Variants in TTLL4 observed in about 807,000 individuals in gnomAD.
TTLL4 encodes tubulin tyrosine ligase like 4, also known as tubulin monoglutamylase TTLL4.
In TTLL4, 85 loss-of-function variants were observed where a neutral mutation model predicts 122.7. The ratio of observed to expected loss-of-function variants is 0.69; its 90% CI spans 0.58 to 0.83. The LOEUF (loss-of-function observed/expected upper bound fraction) is 0.83, where lower values mean the gene tolerates loss of function less well. TTLL4 is among the 40% of genes least tolerant of loss of function. The pLI, the probability that TTLL4 is intolerant of heterozygous loss-of-function variation, is 0.00. For synonymous variants in TTLL4, 553 were observed against 563.0 expected (o/e 0.98, Z 0.25); for missense variants, 1,363 against 1,488.6 (o/e 0.92, Z 1.39).
At chr2:218,732,659 T>C (rs1277324604) in intron 2 of TTLL4, among the ~76,000 whole-genome samples, 1 of 152,228 alleles carries the variant, frequency 6.6e-6, no homozygotes, top group South Asian at 2.1e-4. Context: ...ACTTCTTAGA[T>C]TTTGGGTCTT....
At position 218,738,294 on chromosome 2, in the gene TTLL4, A is replaced by G. The variant is rs764993538; in HGVS notation, c.618A>G (p.Pro206=). The change falls in exon 3 of 20, where the codon CCA becomes CCG. Residue 206 remains proline, a synonymous_variant. Coordinates refer to ENST00000392102, the MANE Select transcript of TTLL4 (RefSeq NM_014640.5). The part of the protein sequence containing the change: ...SLASAISGKI[P]SPLSSSYKPM... ...CCTCTGCCATCTCAGGGAAGATCCC[A>G]TCTCCACTCTCTTCCTCCTATAAGC... 9 of 1,613,820 alleles carry G rather than the reference A, an allele frequency of 5.6e-6. No individual in the cohort carries two copies. Among genetic ancestry groups the G allele is most frequent in the African/African-American group, 2.7e-5 (2 of 74,860 alleles).
chr2:218,714,966 CATGA>C (rs1941816606), intron 1 of TTLL4, among the ~76,000 whole-genome samples: 1 of 152,134 alleles, frequency 6.6e-6, no homozygotes, highest in Non-Finnish European at 1.5e-5. Context: ...CCATTACTAA[CATGA>C]ATAACATTTT....
At chr2:218,753,774 T>C (rs6757772) in intron 19 of TTLL4, 105 bp downstream of exon 19, 6 of 1,267,472 alleles carry the variant, frequency 4.7e-6, no homozygotes, top group African/African-American at 2.9e-5. Flanking sequence ...ATTCTCCAGC[T>C]GGGGGTTGGT....
intron 1 of TTLL4, among the ~76,000 whole-genome samples, chr2:218,722,298 T>A (rs1468385452): frequency 6.6e-6 from 1 of 151,508 alleles, no homozygotes; most frequent in Admixed American, 6.6e-5. Context: ...TAAGTCATCT[T>A]TGTCTGTTTC....
Position 218,752,961 on chromosome 2 carries a change from A to G in TTLL4, c.3175A>G (p.Asn1059Asp). ...TTQWEQKYHGNKLKGVDLLRS... is the reference protein window; with the variant it reads ...TTQWEQKYHGDKLKGVDLLRS... ...CCAATGGGAACAGAAATACCATGGCAACAAGCTTAAAGGTGATGTGCCCTC... is the reference window on the plus strand; with the variant it reads ...CCAATGGGAACAGAAATACCATGGCGACAAGCTTAAAGGTGATGTGCCCTC... Residue 1059 changes from asparagine (N) to aspartate (D), a missense_variant, in exon 17 of 20, where the codon AAC becomes GAC. By Grantham distance (23) the Asn-to-Asp change is conservative. Coordinates refer to ENST00000392102, the MANE Select transcript of TTLL4 (RefSeq NM_014640.5). 3 of 1,614,232 alleles carry G rather than the reference A, an allele frequency of 1.9e-6. No individual in the cohort carries two copies. The South Asian group carries it at 3.3e-5, about 18-fold the overall frequency.
chr2:218,728,941 T>TTGG (rs1575165112), intron 2 of TTLL4, among the ~76,000 whole-genome samples: 1 of 98,312 alleles, frequency 1.0e-5, no homozygotes, highest in Non-Finnish European at 2.1e-5. Flanking sequence ...TTTTTTTTTT[T>TTGG]GGCGGGGGGG....
chr2:218,753,799 A>G, intron 19 of TTLL4, 130 bp downstream of exon 19: 1 of 991,216 alleles, frequency 1.0e-6, no homozygotes, highest in Non-Finnish European at 1.5e-6. Flanking sequence ...GCGTCAGGAC[A>G]TGCAGCCATA....
chr2:218,727,482 C>T (rs1371054767), intron 2 of TTLL4, 135 bp downstream of exon 2: 3 of 152,050 alleles, frequency 2.0e-5, no homozygotes, highest in Admixed American at 6.6e-5. Flanking sequence ...TTCCTTATAA[C>T]TGCTATTTTG....
chr2:218,743,880 T>C (rs991782575), intron 5 of TTLL4, among the ~76,000 whole-genome samples: 1 of 152,158 alleles, frequency 6.6e-6, no homozygotes, highest in Non-Finnish European at 1.5e-5. Flanking sequence ...GGTTTCCCCA[T>C]GTTGGTCAGG....
In TTLL4 at chr2:218,750,027, A is replaced by C. The variant is rs767797075; in HGVS notation, c.2754A>C (p.Pro918=). ...TCTGAAGCCTCCACTCCAGCTCTCC[A>C]CTGGATATCAGCATCAAAGGCCAGA... ...NISPSLHSSS[P]LDISIKGQMI... The change falls in exon 15 of 20, where the codon CCA becomes CCC. Residue 918 remains proline, a synonymous_variant. Coordinates refer to ENST00000392102, the MANE Select transcript of TTLL4 (RefSeq NM_014640.5). 6.2e-7 allele frequency: 1 copy of C among 1,614,046 alleles called. No individual in the cohort carries two copies. Among genetic ancestry groups the C allele is most frequent in the Non-Finnish European group, 8.5e-7 (1 of 1,179,960 alleles).
intron 5 of TTLL4, 40 bp from the exon 6 acceptor site, chr2:218,745,069 T>C (rs1559370696): frequency 1.2e-6 from 2 of 1,608,242 alleles, no homozygotes; most frequent in African/African-American, 2.7e-5. Context: ...GGGCTGTTGC[T>C]TTTTCCCTTT....
intron 5 of TTLL4, among the ~76,000 whole-genome samples, chr2:218,742,647 T>C (rs1942732619): frequency 6.6e-6 from 1 of 152,158 alleles, no homozygotes; most frequent in Non-Finnish European, 1.5e-5. Flanking sequence ...TCACAAGGGT[T>C]TTTTGTTTGT....
downstream of TTLL4, among the ~76,000 whole-genome samples, chr2:218,756,820 G>A (rs1421817429): frequency 6.6e-6 from 1 of 152,138 alleles, no homozygotes; most frequent in East Asian, 1.9e-4. Context: ...TGGAGTAGTG[G>A]AGTAAGGGCT....
intron 1 of TTLL4, among the ~76,000 whole-genome samples, chr2:218,725,482 A>G (rs1018238127): frequency 2.0e-4 from 30 of 152,296 alleles, no homozygotes; most frequent in African/African-American, 6.7e-4. Flanking sequence ...ATAAAGAACC[A>G]TAAAAACATT....
In TTLL4 at chr2:218,747,771, A is replaced by C. The variant is rs1186683374; in HGVS notation, c.2378+46A>C. The C allele has an allele frequency of 6.2e-7, 1 of 1,608,542 alleles. No individual in the cohort carries two copies. The highest frequency in any genetic ancestry group is 1.7e-5 in the Admixed American group (1 of 59,464). Reference sequence around the variant, plus strand: ...ATCCTCTGACAATATTGGGGATTTTATTTTCCTTGGAGGGAGGGAAACTAG... The same window carrying C: ...ATCCTCTGACAATATTGGGGATTTTCTTTTCCTTGGAGGGAGGGAAACTAG... On this transcript the variant is annotated intron_variant, in intron 11 of 19. Coordinates refer to ENST00000392102, the MANE Select transcript of TTLL4 (RefSeq NM_014640.5). The surrounding 1 kb of genome is among the most constrained non-coding windows in gnomAD (Gnocchi z 4.7).
At chr2:218,741,727 A>G (rs1942706664) in intron 5 of TTLL4, among the ~76,000 whole-genome samples, 1 of 151,966 alleles carries the variant, frequency 6.6e-6, no homozygotes, top group African/African-American at 2.4e-5. Context: ...AAGTACCTCC[A>G]CTCTTCATAG....
intron 1 of TTLL4, among the ~76,000 whole-genome samples, chr2:218,721,837 A>C (rs149152388): frequency 1.0e-3 from 158 of 152,292 alleles, no homozygotes; most frequent in African/African-American, 3.6e-3. Flanking sequence ...TTTTATTTTA[A>C]AATAGCCAGG....
chr2:218,730,311 C>CAAAAA lies in TTLL4; in HGVS notation c.-99+2998_-99+3002dup, dbSNP rs548186206. Reference sequence around the variant, plus strand: ...TGAAACCCCATCTTTACTAAAAATCCAAAAAAAAAAAAAAAAAAAAAAAAA... The same window carrying CAAAAA: ...TGAAACCCCATCTTTACTAAAAATCCAAAAAAAAAAAAAAAAAAAAAAAAAAAAAA... On this transcript the variant is annotated intron_variant, in intron 2 of 19. Transcript: ENST00000392102. 8.3e-3 allele frequency among the ~76,000 whole-genome samples: 119 copies of CAAAAA among 14,294 alleles called. 37 individuals carry two copies. The highest frequency in any genetic ancestry group is 0.016 in the South Asian group (4 of 248). 9.4% of individuals were successfully genotyped at this position (14,294 alleles called of 152,430 possible).
Position 218,754,261 on chromosome 2 carries a change from A to C in TTLL4, c.3472A>C (p.Thr1158Pro). The C allele has an allele frequency of 6.2e-7, 1 of 1,614,192 alleles. No homozygotes were observed. The highest frequency in any genetic ancestry group is 8.5e-7 in the Non-Finnish European group (1 of 1,180,032). Residue 1158 changes from threonine (T) to proline (P), a missense_variant, in exon 20 of 20, where the codon ACC becomes CCC. Coordinates refer to ENST00000392102, the MANE Select transcript of TTLL4 (RefSeq NM_014640.5). ...CAGTTCCTCAAAGGACAGTGAGGAC[A>C]CCAGCAAAGAGCCCAGCCTTTCTAC... ...KPSSSKDSEDTSKEPSLSTQT... is the reference protein window; with the variant it reads ...KPSSSKDSEDPSKEPSLSTQT...
Sources: allele counts gnomAD v4.1 joint callset (sites outside exome capture counted in the v4.1 genomes callset), GRCh38; gene constraint gnomAD v4.1.1; non-coding constraint Gnocchi (gnomAD v3.1); transcripts MANE v1.5; gene names NCBI Gene and HGNC (gene_info 2026-07-23, HGNC 2026-07-21).